Variants in PCLO observed in about 807,000 individuals in gnomAD.
PCLO encodes protein piccolo.
Under a neutral mutation model 427.5 loss-of-function variants are expected in PCLO, and 82 were observed. The ratio of observed to expected loss-of-function variants is 0.19; its 90% CI spans 0.16 to 0.23. The LOEUF (loss-of-function observed/expected upper bound fraction) is 0.23. PCLO is among the 10% of genes least tolerant of loss of function. The pLI, the probability that PCLO is intolerant of heterozygous loss-of-function variation, is 1.00. For missense variants in PCLO, 6,239 were observed against 6,115.9 expected, an observed-to-expected ratio of 1.02 and a Z score of -0.67; for synonymous variants, 2,357 against 2,155.4, an observed-to-expected ratio of 1.09 and a Z score of -2.59.
intron 22 of PCLO, among the ~76,000 whole-genome samples, chr7:82,767,794 G>C (rs1279752550): frequency 1.3e-5 from 2 of 152,034 alleles, no homozygotes; most frequent in Non-Finnish European, 2.9e-5. Flanking sequence ...TTGATACACT[G>C]ATATATCCCA....
At chr7:83,052,011 C>A (rs1399465097) in intron 3 of PCLO, among the ~76,000 whole-genome samples, 2 of 151,918 alleles carry the variant, frequency 1.3e-5, no homozygotes, top group Non-Finnish European at 2.9e-5. Context: ...AGACTTAGAT[C>A]TTACACCTTT....
chr7:82,995,745 T>C (rs1435591741), intron 3 of PCLO, among the ~76,000 whole-genome samples: 1 of 151,974 alleles, frequency 6.6e-6, no homozygotes, highest in East Asian at 1.9e-4. Context: ...TTCTTCATAT[T>C]AAAACTGGTA....
chr7:82,839,518 T>C (rs1223016438), intron 14 of PCLO, among the ~76,000 whole-genome samples: 2 of 152,066 alleles, frequency 1.3e-5, no homozygotes, highest in Non-Finnish European at 2.9e-5. Flanking sequence ...GCAGCAACTG[T>C]ATGCTATAAT....
intron 3 of PCLO, among the ~76,000 whole-genome samples, chr7:83,124,596 T>C (rs567954578): frequency 6.6e-6 from 1 of 152,076 alleles, no homozygotes; most frequent in Non-Finnish European, 1.5e-5. Flanking sequence ...CTATGGAGAA[T>C]AGTATGGAAG....
chr7:82,969,602 C>T (rs965771012), intron 3 of PCLO, among the ~76,000 whole-genome samples: 5 of 152,072 alleles, frequency 3.3e-5, no homozygotes, highest in African/African-American at 1.2e-4. Context: ...GACTAATTGT[C>T]ACCAAAATTA....
At position 82,954,006 on chromosome 7, in the gene PCLO, A is replaced by ATTTTTATCTCTGTAAG. The variant is rs1795439100; in HGVS notation, c.6946_6947insCTTACAGAGATAAAAA (p.Val2316AlafsTer13). The ATTTTTATCTCTGTAAG allele has an allele frequency of 6.2e-7, 1 of 1,613,788 alleles. No homozygotes were observed. Among genetic ancestry groups the ATTTTTATCTCTGTAAG allele is most frequent in the African/African-American group, 1.3e-5 (1 of 74,894 alleles). On this transcript the variant is annotated frameshift_variant, in exon 5 of 25. Coordinates refer to ENST00000333891, the MANE Select transcript of PCLO (RefSeq NM_033026.6). LOFTEE classifies it high-confidence loss of function. ...CTTTTTATCTCTGTAAGCTTCCAAA[A>ATTTTTATCTCTGTAAG]CTTCCAGAATGATTCCATTCCCAGT...
intron 2 of PCLO, among the ~76,000 whole-genome samples, chr7:83,137,278 ACT>A (rs1326760236): frequency 1.3e-5 from 2 of 152,196 alleles, no homozygotes; most frequent in Non-Finnish European, 2.9e-5. Context: ...CTTATTTTGC[ACT>A]CTCACGGAAA....
At chr7:83,115,780 T>C (rs748032067) in intron 3 of PCLO, among the ~76,000 whole-genome samples, 1 of 152,046 alleles carries the variant, frequency 6.6e-6, no homozygotes, top group African/African-American at 2.4e-5. Flanking sequence ...CCCTTGCCAG[T>C]ACTCCTTACT....
At position 82,999,630 on chromosome 7, in the gene PCLO, T is replaced by TA. The variant is rs1429237813; in HGVS notation, c.3301-33144dup. Among the ~76,000 whole-genome samples, 6 of 33,820 alleles carry TA rather than the reference T, an allele frequency of 1.8e-4. 2 individuals are homozygous for TA. The highest frequency in any genetic ancestry group is 8.6e-4 in the African/African-American group (5 of 5,816). The allele number at this position is 33,820 out of a possible 152,430, so 22.2% of individuals were successfully genotyped here. ...ATATATAAAATATAAAATATAATATTATATTAAAATATAAAATATAATATT... is the reference window on the plus strand; with the variant it reads ...ATATATAAAATATAAAATATAATATTAATATTAAAATATAAAATATAATATT... On this transcript the variant is annotated intron_variant, in intron 3 of 24. Coordinates refer to ENST00000333891, the MANE Select transcript of PCLO (RefSeq NM_033026.6).
chr7:82,874,352 C>G (rs1421322600), intron 10 of PCLO, among the ~76,000 whole-genome samples: 1 of 152,046 alleles, frequency 6.6e-6, no homozygotes, highest in African/African-American at 2.4e-5. Flanking sequence ...CAACCTCTGC[C>G]TCCTGGGCTC....
At chr7:83,037,794 T>C (rs1788831533) in intron 3 of PCLO, among the ~76,000 whole-genome samples, 1 of 149,966 alleles carries the variant, frequency 6.7e-6, no homozygotes, top group South Asian at 2.1e-4. Context: ...ATTTTAAAAT[T>C]CTCCAACTTA....
chr7:82,838,853 A>G (rs1792295702), intron 14 of PCLO, among the ~76,000 whole-genome samples: 1 of 151,996 alleles, frequency 6.6e-6, no homozygotes, highest in Non-Finnish European at 1.5e-5. Flanking sequence ...TTACTTTTTA[A>G]TGTTATATTA....
At chr7:83,114,405 T>C (rs1412063742) in intron 3 of PCLO, among the ~76,000 whole-genome samples, 1 of 152,014 alleles carries the variant, frequency 6.6e-6, no homozygotes, top group Non-Finnish European at 1.5e-5. Context: ...TGAAGAGCAT[T>C]TGGTGAACGT....
In PCLO at chr7:82,950,809, A is replaced by G; in HGVS notation, c.9779T>C (p.Leu3260Pro). Reference sequence around the variant, plus strand: ...GAGAAGGTGTTGCTTCATAGACTGCAGCTCCTCCAACTTTTTCTGAACCAT... The same window carrying G: ...GAGAAGGTGTTGCTTCATAGACTGCGGCTCCTCCAACTTTTTCTGAACCAT... ...KIMVQKKLEE[L>P]QSMKQHLLFQ... The change falls in exon 6 of 25, where the codon CTG (leucine) becomes CCG (proline). Residue 3260 changes from leucine (L) to proline (P), a missense_variant. Leu to Pro is a moderately conservative substitution (Grantham distance 98, BLOSUM62 -3). Transcript: ENST00000333891. 2.5e-6 allele frequency: 4 copies of G among 1,613,608 alleles called. No homozygotes were observed. Among genetic ancestry groups the G allele is most frequent in the Non-Finnish European group, 3.4e-6 (4 of 1,179,818 alleles).
chr7:82,847,270 A>G (rs1792528334), intron 10 of PCLO, 23 bp from the exon 11 acceptor site: 3 of 1,338,998 alleles, frequency 2.2e-6, no homozygotes, highest in African/African-American at 1.4e-5. Flanking sequence ...ATTTGAATAT[A>G]AAATCAAACG....
At chr7:82,976,768 T>A (rs771733929) in intron 3 of PCLO, among the ~76,000 whole-genome samples, 39 of 152,228 alleles carry the variant, frequency 2.6e-4, no homozygotes, top group Non-Finnish European at 4.1e-4. Flanking sequence ...TTGTGACATG[T>A]CAGATGACTG....
At chr7:82,943,268 A>C (rs1039136220) in intron 6 of PCLO, among the ~76,000 whole-genome samples, 1 of 152,168 alleles carries the variant, frequency 6.6e-6, no homozygotes, top group African/African-American at 2.4e-5. Flanking sequence ...AAGTTTGCCT[A>C]TTACTAAAAA....
intron 6 of PCLO, among the ~76,000 whole-genome samples, chr7:82,940,952 C>T (rs551891339): frequency 1.1e-4 from 17 of 151,364 alleles, no homozygotes; most frequent in African/African-American, 2.7e-4. Context: ...TTAGTAGAGA[C>T]GGGGTTTCAC....
chr7:82,879,267 C>T (rs1342215977), intron 10 of PCLO, 70 bp downstream of exon 10: 5 of 1,310,246 alleles, frequency 3.8e-6, no homozygotes, highest in Middle Eastern at 1.9e-4. Flanking sequence ...AGAACATTTG[C>T]ATATTAAATT....
Sources: allele counts gnomAD v4.1 joint callset (sites outside exome capture counted in the v4.1 genomes callset), GRCh38; gene constraint gnomAD v4.1.1; transcripts MANE v1.5; gene names NCBI Gene and HGNC (gene_info 2026-07-23, HGNC 2026-07-21).